Variants in SLC5A1 observed in about 807,000 individuals in gnomAD.
SLC5A1 encodes sodium/glucose cotransporter 1.
A neutral mutation model predicts 73.5 loss-of-function variants in SLC5A1; 42 were observed. The ratio of observed to expected loss-of-function variants is 0.57; its 90% CI spans 0.45 to 0.74. The LOEUF (loss-of-function observed/expected upper bound fraction) is 0.74, where lower values mean the gene tolerates loss of function less well. SLC5A1 is among the 30% of genes least tolerant of loss of function. SLC5A1 has a pLI of 0.00. For synonymous variants in SLC5A1, 300 were observed against 317.4 expected (o/e 0.95, Z 0.58); for missense variants, 634 against 855.4 (o/e 0.74, Z 3.23).
At chr22:32,103,107 C>CAT (rs1448013855) in intron 13 of SLC5A1, among the ~76,000 whole-genome samples, 6 of 152,150 alleles carry the variant, frequency 3.9e-5, no homozygotes, top group African/African-American at 1.4e-4. Flanking sequence ...ATTGCTGGAT[C>CAT]ATATGGTGGC....
At chr22:32,092,610 AT>A (rs951858178) in intron 11 of SLC5A1, among the ~76,000 whole-genome samples, 57 of 151,886 alleles carry the variant, frequency 3.8e-4, no homozygotes, top group Admixed American at 5.9e-4. Flanking sequence ...ACCAATATCT[AT>A]TTTTTTTATT....
In SLC5A1 at chr22:32,066,980, G is replaced by A. The variant is rs1166007662; in HGVS notation, c.253G>A (p.Val85Met). ...FASNIGSGHF[V>M]GLAGTGAASG... is the part of the protein sequence containing the mutation. ...TAGTAACATTGGAAGTGGCCACTTT[G>A]TGGGGCTGGCCGGGACTGGGGCAGC... The change falls in exon 3 of 15, where the codon GTG becomes ATG. Residue 85 changes from valine to methionine, a missense_variant. Val to Met is a conservative substitution (Grantham distance 21). Around this residue, in one of 3 missense-constraint regions of SLC5A1, gnomAD observed 422 missense variants for 626.1 expected, o/e 0.67. Coordinates refer to ENST00000266088, the MANE Select transcript of SLC5A1 (RefSeq NM_000343.4). 1 of 1,613,918 alleles carries A rather than the reference G, an allele frequency of 6.2e-7. No individual in the cohort carries two copies. The highest frequency in any genetic ancestry group is 8.5e-7 in the Non-Finnish European group (1 of 1,179,818).
At position 32,060,150 on chromosome 22, in the gene SLC5A1, C is replaced by CATATAT. The variant is rs1408523603; in HGVS notation, c.208-6784_208-6783insTATATA. On this transcript the variant is annotated intron_variant, in intron 2 of 14. Coordinates refer to ENST00000266088, the MANE Select transcript of SLC5A1 (RefSeq NM_000343.4). Reference sequence around the variant, plus strand: ...ACACACATATATATACACATACACACACACACACACACACACACACACACA... The same window carrying CATATAT: ...ACACACATATATATACACATACACACATATATACACACACACACACACACACACACA... Among the ~76,000 whole-genome samples the CATATAT allele has an allele frequency of 3.7e-4, 11 of 29,980 alleles. No homozygotes were observed. The East Asian group carries it at 0.071, about 195-fold the overall frequency. The allele number at this position is 29,980 out of a possible 152,430, so 19.7% of individuals were successfully genotyped here. A position where few individuals can be genotyped will look rare whatever the true frequency, so the allele number is the denominator to read the frequency against.
chr22:32,089,952 TAA>T (rs1410709723), intron 10 of SLC5A1, among the ~76,000 whole-genome samples: 2 of 152,126 alleles, frequency 1.3e-5, no homozygotes, highest in East Asian at 3.8e-4. Flanking sequence ...AAAACTTTAA[TAA>T]CAAGAGTTCC....
intron 4 of SLC5A1, 41 bp downstream of exon 4, chr22:32,068,067 G>A (rs1318200381): frequency 1.9e-6 from 3 of 1,579,644 alleles, no homozygotes; most frequent in East Asian, 2.2e-5. Flanking sequence ...GCTGGCAAAT[G>A]TATCTGTCAG....
chr22:32,088,568 A>C (rs1454562951), intron 10 of SLC5A1, among the ~76,000 whole-genome samples: 1 of 152,000 alleles, frequency 6.6e-6, no homozygotes, highest in Non-Finnish European at 1.5e-5. Context: ...CAAACTCCTG[A>C]CCTCAGGTGA....
At chr22:32,073,550 T>TTTTG (rs796728968) in intron 5 of SLC5A1, among the ~76,000 whole-genome samples, 114 of 152,202 alleles carry the variant, frequency 7.5e-4, no homozygotes, top group African/African-American at 2.2e-3. Flanking sequence ...TTGGTGTTTT[T>TTTTG]TTTGTTTGTT....
chr22:32,108,234 G>A (rs1171321303), intron 14 of SLC5A1, among the ~76,000 whole-genome samples: 2 of 151,922 alleles, frequency 1.3e-5, no homozygotes, highest in Non-Finnish European at 2.9e-5. Flanking sequence ...AGCCTCCCGA[G>A]TAGCTGGGAC....
At chr22:32,084,101 G>GA (rs1423267760) in intron 7 of SLC5A1, among the ~76,000 whole-genome samples, 2 of 152,142 alleles carry the variant, frequency 1.3e-5, no homozygotes, top group African/African-American at 2.4e-5. Flanking sequence ...GAGGGTGAGG[G>GA]AAAAAACAGA....
rs1418290441 is a variant in SLC5A1 at position 32,112,461 on chromosome 22, T to G, written c.*2248T>G. ...AATTGATACTGCTTAAAAGGCCCGGTCCGTAGAAAATGCCCAATAAACATT... is the reference window on the plus strand; with the variant it reads ...AATTGATACTGCTTAAAAGGCCCGGGCCGTAGAAAATGCCCAATAAACATT... On this transcript the variant is annotated 3_prime_UTR_variant, in exon 15 of 15. Coordinates refer to ENST00000266088, the MANE Select transcript of SLC5A1 (RefSeq NM_000343.4). The G allele has an allele frequency of 6.6e-6, 1 of 152,158 alleles. No individual in the cohort carries two copies. Among genetic ancestry groups the G allele is most frequent in the Non-Finnish European group, 1.5e-5 (1 of 68,032 alleles). 9.4% of individuals were successfully genotyped at this position (152,158 alleles called of 1,614,324 possible).
In SLC5A1 at chr22:32,046,131, C is replaced by T. The variant is rs2093936860; in HGVS notation, c.135+2715C>T. Among the ~76,000 whole-genome samples the T allele has an allele frequency of 1.3e-5, 2 of 152,166 alleles. 1 individual carries two copies. Among genetic ancestry groups the T allele is most frequent in the South Asian group, 4.1e-4 (2 of 4,826 alleles). Reference sequence around the variant, plus strand: ...TGAATTGGAATGGCCCTTGAGGGAGCCCAACCTTTCTGTTTTACAGATGAG... The same window carrying T: ...TGAATTGGAATGGCCCTTGAGGGAGTCCAACCTTTCTGTTTTACAGATGAG... On this transcript the variant is annotated intron_variant, in intron 1 of 14. Transcript: ENST00000266088.
chr22:32,079,446 A>C (rs1297368458), intron 5 of SLC5A1, among the ~76,000 whole-genome samples: 1 of 152,176 alleles, frequency 6.6e-6, no homozygotes, highest in Non-Finnish European at 1.5e-5. Flanking sequence ...TTAGCCCAAC[A>C]CTTTTCAGAA....
rs886057403 is a variant in SLC5A1, at chr22:32,102,022, G to A, written c.1450G>A (p.Gly484Arg). The A allele has an allele frequency of 6.2e-7, 1 of 1,612,810 alleles. No homozygotes were observed. Among genetic ancestry groups the A allele is most frequent in the Non-Finnish European group, 8.5e-7 (1 of 1,178,876 alleles). Residue 484 changes from glycine (G) to arginine (R), a missense_variant and splice_region_variant, in exon 13 of 15, where the codon GGA (glycine) becomes AGA (arginine). Transcript: ENST00000266088. ...GTTAACCCAGGGTTTTCTTTCACAG[G>A]GAGCCTTTTGGGGACTGATCCTAGG... is the stretch of plus-strand genomic sequence containing the variant. ...AIFWKRVNEP[G>R]AFWGLILGLL...
intron 10 of SLC5A1, among the ~76,000 whole-genome samples, chr22:32,090,105 A>C (rs2094014632): frequency 6.6e-6 from 1 of 151,806 alleles, no homozygotes. Context: ...TCTTTCAAAA[A>C]AAAAAAAAAA....
intron 2 of SLC5A1, among the ~76,000 whole-genome samples, chr22:32,060,354 G>A (rs1326451707): frequency 1.3e-5 from 2 of 151,964 alleles, no homozygotes; most frequent in African/African-American, 4.8e-5. Context: ...ACTACGTCTG[G>A]CTAATTTTTT....
In SLC5A1 at chr22:32,106,574, G is replaced by A. The variant is rs919434854; in HGVS notation, c.1771+1683G>A. 5.3e-5 allele frequency among the ~76,000 whole-genome samples: 8 copies of A among 152,284 alleles called. 1 individual carries two copies. The highest frequency in any genetic ancestry group is 4.2e-4 in the South Asian group (2 of 4,818). On this transcript the variant is annotated intron_variant, in intron 14 of 14. Transcript: ENST00000266088. ...AACCAAAGCTATGGCCAGTTCTAGT[G>A]ACATCAAGATGAGGGGATAGAAGCC... is the stretch of plus-strand genomic sequence containing the variant.
chr22:32,091,311 ACAC>A (rs2094017042), intron 10 of SLC5A1, among the ~76,000 whole-genome samples: 3 of 113,598 alleles, frequency 2.6e-5, no homozygotes, highest in African/African-American at 9.7e-5. Flanking sequence ...ACACACACAC[ACAC>A]ACACACACAC....
intron 5 of SLC5A1, among the ~76,000 whole-genome samples, chr22:32,075,533 T>C (rs937936357): frequency 2.0e-5 from 3 of 152,220 alleles, no homozygotes; most frequent in Non-Finnish European, 4.4e-5. Flanking sequence ...TTCCTGACAC[T>C]GAATCTAAAC....
intron 11 of SLC5A1, among the ~76,000 whole-genome samples, chr22:32,093,790 G>C (rs1258458411): frequency 6.6e-6 from 1 of 152,168 alleles, no homozygotes; most frequent in Non-Finnish European, 1.5e-5. Context: ...TCAGCAACCA[G>C]TGACAGTTTG....
Sources: allele counts gnomAD v4.1 joint callset (sites outside exome capture counted in the v4.1 genomes callset), GRCh38; gene constraint gnomAD v4.1.1; regional missense constraint gnomAD v4.1.1; transcripts MANE v1.5; gene names NCBI Gene and HGNC (gene_info 2026-07-23, HGNC 2026-07-21).